Variants in SHROOM3 observed in about 807,000 individuals in gnomAD.
SHROOM3 encodes the protein shroom family member 3.
Under a neutral mutation model 138.6 loss-of-function variants are expected in SHROOM3, and 47 were observed. The observed-to-expected ratio is 0.34, with a 90% CI of 0.27 to 0.43. The LOEUF (loss-of-function observed/expected upper bound fraction) is 0.43. Among genes scored for constraint, SHROOM3 ranks in the 20% least tolerant of loss-of-function variants. The probability of loss-of-function intolerance (pLI) is 1.00; values close to 1 mark genes in which losing one functional copy is unlikely to be tolerated. For synonymous variants in SHROOM3, 1,062 were observed against 1,063.3 expected, an observed-to-expected ratio of 1.00 and a Z score of 0.02; for missense variants, 2,491 against 2,596.5, an observed-to-expected ratio of 0.96 and a Z score of 0.88.
At chr4:76,660,275 T>C (rs1736155357) in intron 2 of SHROOM3, among the ~76,000 whole-genome samples, 1 of 152,164 alleles carries the variant, frequency 6.6e-6, no homozygotes. Context: ...ATAGAGTGAT[T>C]TGAGGTCCTC....
chr4:76,772,215 T>C (rs1278578946), intron 10 of SHROOM3, among the ~76,000 whole-genome samples: 1 of 151,418 alleles, frequency 6.6e-6, no homozygotes, highest in African/African-American at 2.4e-5. Context: ...GCCATTCTCA[T>C]GCCTCGGCCT....
intron 2 of SHROOM3, among the ~76,000 whole-genome samples, chr4:76,585,616 C>T (rs1329882111): frequency 6.6e-6 from 1 of 152,150 alleles, no homozygotes. Context: ...TCTACAAAGG[C>T]GGGCTGCATC....
intron 2 of SHROOM3, among the ~76,000 whole-genome samples, chr4:76,580,446 C>CTTTTTTTTTTTTTTTTTTTTTTTTTTT (rs869200924): frequency 2.3e-5 from 2 of 88,088 alleles, no homozygotes; most frequent in Non-Finnish European, 4.7e-5. Context: ...TGGGCAAGTT[C>CTTTTTTTTTTTTTTTTTTTTTTTTTTT]TTTTTTTTTT....
At chr4:76,690,493 G>A (rs1024302297) in intron 2 of SHROOM3, among the ~76,000 whole-genome samples, 2 of 152,186 alleles carry the variant, frequency 1.3e-5, no homozygotes, top group Non-Finnish European at 2.9e-5. Context: ...CTGTGATATC[G>A]GGGGGTGCAA....
chr4:76,663,620 C>T (rs1718603187), intron 2 of SHROOM3, among the ~76,000 whole-genome samples: 1 of 152,110 alleles, frequency 6.6e-6, no homozygotes, highest in African/African-American at 2.4e-5. Context: ...AGGCTGAACT[C>T]CTGGGCTAAA....
intron 10 of SHROOM3, among the ~76,000 whole-genome samples, chr4:76,772,092 TTTTTC>T (rs1268573530): frequency 3.7e-4 from 53 of 141,786 alleles, no homozygotes; most frequent in African/African-American, 1.4e-3. Flanking sequence ...GCTACCATCT[TTTTTC>T]TTTTTCTTTT....
At chr4:76,622,941 A>T (rs1015350157) in intron 2 of SHROOM3, among the ~76,000 whole-genome samples, 1 of 152,116 alleles carries the variant, frequency 6.6e-6, no homozygotes, top group African/African-American at 2.4e-5. Context: ...CCAACTTTTG[A>T]GTTATCTGGG....
At chr4:76,586,107 G>C in intron 2 of SHROOM3, 1 of 335,304 alleles carries the variant, frequency 3.0e-6, no homozygotes. Context: ...GTGGAAACCG[G>C]TTCTCAGGTT....
chr4:76,492,753 T>C (rs1731879974), intron 1 of SHROOM3, among the ~76,000 whole-genome samples: 1 of 152,184 alleles, frequency 6.6e-6, no homozygotes, highest in South Asian at 2.1e-4. Context: ...AGACTTTCTA[T>C]GGTAAGACAC....
At chr4:76,510,058 A>C (rs1732300344) in intron 1 of SHROOM3, among the ~76,000 whole-genome samples, 2 of 152,112 alleles carry the variant, frequency 1.3e-5, no homozygotes, top group Non-Finnish European at 2.9e-5. Flanking sequence ...TGGTGCGGGC[A>C]CTCTGAAAAT....
At chr4:76,459,383 AT>A (rs1266093382) in intron 1 of SHROOM3, among the ~76,000 whole-genome samples, 1 of 152,192 alleles carries the variant, frequency 6.6e-6, no homozygotes, top group Admixed American at 6.5e-5. Flanking sequence ...ACACAGCCGA[AT>A]AGTTGGGATT....
At chr4:76,537,753 GGGGGAT>G (rs1733010830) in intron 1 of SHROOM3, among the ~76,000 whole-genome samples, 1 of 151,922 alleles carries the variant, frequency 6.6e-6, no homozygotes, top group African/African-American at 2.4e-5. Flanking sequence ...AGGGGGCATT[GGGGGAT>G]GATGGGTGGA....
At position 76,765,381 on chromosome 4, in the gene SHROOM3, G is replaced by T. The variant is rs191945579; in HGVS notation, c.5350-5245G>T. On this transcript the variant is annotated intron_variant, in intron 9 of 10. Coordinates refer to ENST00000296043, the MANE Select transcript of SHROOM3 (RefSeq NM_020859.4). ...AAAAAAAAAAAAATTAGCCAAGTGTGGTAATGCGTGCCTGTAATCCCAGCT... is the reference window on the plus strand; with the variant it reads ...AAAAAAAAAAAAATTAGCCAAGTGTTGTAATGCGTGCCTGTAATCCCAGCT... Among the ~76,000 whole-genome samples, 119 of 152,056 alleles carry T rather than the reference G, an allele frequency of 7.8e-4. 1 individual carries two copies. Among genetic ancestry groups the T allele is most frequent in the Admixed American group, 2.0e-3 (31 of 15,260 alleles).
chr4:76,676,996 T>A (rs1032553446), intron 2 of SHROOM3, among the ~76,000 whole-genome samples: 5 of 150,940 alleles, frequency 3.3e-5, no homozygotes, highest in African/African-American at 1.2e-4. Flanking sequence ...TTTCTGACCG[T>A]TATAGCTTAG....
intron 1 of SHROOM3, among the ~76,000 whole-genome samples, chr4:76,483,746 A>T (rs1264020687): frequency 6.6e-6 from 1 of 152,250 alleles, no homozygotes; most frequent in East Asian, 1.9e-4. Context: ...ACTGACTCAA[A>T]TACCCATCAA....
chr4:76,618,230 A>G (rs1407133396), intron 2 of SHROOM3, among the ~76,000 whole-genome samples: 1 of 152,158 alleles, frequency 6.6e-6, no homozygotes, highest in African/African-American at 2.4e-5. Context: ...ACTTGAGTCC[A>G]GGTGTTCAAG....
intron 2 of SHROOM3, among the ~76,000 whole-genome samples, chr4:76,631,678 C>T (rs1282271717): frequency 1.3e-5 from 2 of 152,202 alleles, no homozygotes; most frequent in South Asian, 2.1e-4. Context: ...GACCACATCA[C>T]GTAGGGCCTC....
At chr4:76,648,198 C>T (rs903594099) in intron 2 of SHROOM3, among the ~76,000 whole-genome samples, 8 of 151,132 alleles carry the variant, frequency 5.3e-5, no homozygotes, top group African/African-American at 1.5e-4. Context: ...CATGGTGGTG[C>T]GTACCTGTGG....
intron 1 of SHROOM3, among the ~76,000 whole-genome samples, chr4:76,446,428 GA>G (rs373230075): frequency 3.3e-5 from 5 of 151,564 alleles, no homozygotes; most frequent in Non-Finnish European, 4.4e-5. Context: ...GGCGGTGGGG[GA>G]TGCACATCTA....
Sources: gnomAD v4.1 joint callset for allele counts (sites outside exome capture counted in the v4.1 genomes callset) on GRCh38, gnomAD v4.1.1 for gene constraint, MANE v1.5 for transcripts, NCBI Gene and HGNC (gene_info 2026-07-23, HGNC 2026-07-21) for gene names.